NOP9: variants seen among roughly 807,000 people sequenced by gnomAD.
NOP9 encodes the protein NOP9 nucleolar protein.
In NOP9, 50 loss-of-function variants were observed where a neutral mutation model predicts 63.0. That is an observed-to-expected ratio of 0.79 (90% CI 0.63 to 1.00). The LOEUF (loss-of-function observed/expected upper bound fraction) is 1.00, where lower values mean the gene tolerates loss of function less well. NOP9 is among the 50% of genes least tolerant of loss of function. NOP9 has a pLI of 0.00. For missense variants in NOP9, 758 were observed against 803.0 expected (o/e 0.94, Z 0.68); for synonymous variants, 343 against 332.8 (o/e 1.03, Z -0.33).
intron 6 of NOP9, 70 bp from the exon 7 acceptor site, chr14:24,303,662 G>A (rs1249365635): frequency 2.0e-6 from 3 of 1,521,644 alleles, no homozygotes; most frequent in Non-Finnish European, 9.1e-7. Flanking sequence ...TTTCCTGAAG[G>A]TGTTCCCTTA....
At chr14:24,293,639 CTA>C in the NOP9 span, 3 of 151,804 alleles carry the variant, frequency 2.0e-5, no homozygotes, top group Non-Finnish European at 4.4e-5. Context: ...ACTAAAAAGA[CTA>C]ATGTCTTGTG....
Position 24,304,238 on chromosome 14 carries a change from G to A in NOP9, c.1608G>A (p.Val536=). 6.2e-7 allele frequency: 1 copy of A among 1,614,010 alleles called. No individual in the cohort carries two copies. Among genetic ancestry groups the A allele is most frequent in the Non-Finnish European group, 8.5e-7 (1 of 1,180,014 alleles). The change falls in exon 8 of 10, where the codon GTG becomes GTA. Residue 536 remains valine, a synonymous_variant. Coordinates refer to ENST00000267425, the MANE Select transcript of NOP9 (RefSeq NM_174913.3). ...VLDAILTSPS[V]TRKLRRRVLQ... ...ATGCCATCCTGACCAGCCCCTCTGT[G>A]ACGCGCAAGCTGCGCCGCCGTGTGC... is the stretch of plus-strand genomic sequence containing the variant.
upstream of NOP9, among the ~76,000 whole-genome samples, chr14:24,296,303 G>C (rs1361772771): frequency 6.6e-6 from 1 of 152,208 alleles, no homozygotes; most frequent in Non-Finnish European, 1.5e-5. Context: ...TTGTTCCAAT[G>C]AAAATTACTG....
rs1566418303 is a variant in NOP9, at chr14:24,307,501, A to G, written c.*2406A>G. On this transcript the variant is annotated 3_prime_UTR_variant, in exon 10 of 10. Coordinates refer to ENST00000267425, the MANE Select transcript of NOP9 (RefSeq NM_174913.3). ...GACCCTCCGTCCAAACTCCGAGCTT[A>G]TATTAGATACTGACCTGGTAGTTGA... The G allele has an allele frequency of 1.2e-6, 2 of 1,613,916 alleles. No homozygotes were observed. Among genetic ancestry groups the G allele is most frequent in the Non-Finnish European group, 1.7e-6 (2 of 1,179,906 alleles).
chr14:24,306,935 T>G lies in NOP9; in HGVS notation c.*1840T>G. 3.7e-6 allele frequency: 1 copy of G among 270,792 alleles called. No individual in the cohort carries two copies. Among genetic ancestry groups the G allele is most frequent in the Non-Finnish European group, 7.2e-6 (1 of 139,466 alleles). 16.8% of individuals were successfully genotyped at this position (270,792 alleles called of 1,614,324 possible). On this transcript the variant is annotated 3_prime_UTR_variant, in exon 10 of 10. Coordinates refer to ENST00000267425, the MANE Select transcript of NOP9 (RefSeq NM_174913.3). ...TTGAGTCCTTACTCTGTGCCAGGTA[T>G]GAGGACTTTACCTACATTATCCTCT...
At position 24,306,373 on chromosome 14, in the gene NOP9, C is replaced by T. The variant is rs146737422; in HGVS notation, c.*1278C>T. ...AAGCAGCCCCAGTATAGGCCTCTTA[C>T]CCTTGTAGGGCTCCAGCTCTGACCA... is the stretch of plus-strand genomic sequence containing the variant. On this transcript the variant is annotated 3_prime_UTR_variant, in exon 10 of 10. Transcript: ENST00000267425. 4.6e-4 allele frequency: 748 copies of T among 1,614,200 alleles called. 4 individuals carry two copies. The Middle Eastern group carries it at 8.6e-3, about 19-fold the overall frequency.
the NOP9 span, among the ~76,000 whole-genome samples, chr14:24,284,359 C>T: frequency 1.3e-5 from 2 of 152,204 alleles, no homozygotes; most frequent in South Asian, 2.1e-4. Context: ...CTGCCCTGCC[C>T]AGTGCTGAGC....
the NOP9 span, among the ~76,000 whole-genome samples, chr14:24,273,008 T>C: frequency 2.0e-5 from 3 of 152,232 alleles, no homozygotes; most frequent in South Asian, 6.2e-4. Flanking sequence ...TTTTTTTCCC[T>C]GTGCCTACTG....
chr14:24,300,564 C>T lies in NOP9; in HGVS notation c.404C>T (p.Thr135Ile), dbSNP rs1401754799. ...VWAALRSNLR[T>I]VACHRCGVHV... ...GCTGCTCTGCGCTCTAACTTGCGCA[C>T]TGTGGCCTGTCACCGATGCGGGGTC... Residue 135 changes from threonine to isoleucine, a missense_variant, in exon 2 of 10, where the codon ACT becomes ATT. Thr to Ile is a moderately conservative substitution (Grantham distance 89). Transcript: ENST00000267425. 2 of 1,614,242 alleles carry T rather than the reference C, an allele frequency of 1.2e-6. No homozygotes were observed. The highest frequency in any genetic ancestry group is 3.3e-5 in the Admixed American group (2 of 60,032).
At chr14:24,301,875 A>C (rs367966520) in intron 3 of NOP9, 90 bp from the exon 4 acceptor site, 16 of 1,469,926 alleles carry the variant, frequency 1.1e-5, no homozygotes, top group East Asian at 6.8e-5. Context: ...TTGTGTCCAT[A>C]GTGCCCTGTA....
At chr14:24,291,453 A>G in the NOP9 span, 1 of 1,296,894 alleles carries the variant, frequency 7.7e-7, no homozygotes, top group South Asian at 1.2e-5. Context: ...GAAAAGAATG[A>G]CATGTTCCTC....
At chr14:24,292,116 A>C in the NOP9 span, 1 of 1,594,730 alleles carries the variant, frequency 6.3e-7, no homozygotes, top group Non-Finnish European at 8.6e-7. Context: ...GGAGTATCTG[A>C]TCTTGTTATT....
At chr14:24,303,026 G>A (rs758752197) in intron 5 of NOP9, 48 bp from the exon 6 acceptor site, 5 of 1,489,720 alleles carry the variant, frequency 3.4e-6, no homozygotes, top group Non-Finnish European at 3.6e-6. Context: ...GAATAATGTG[G>A]TCCGCCATTA....
Position 24,300,714 on chromosome 14 carries a change from G to A in NOP9, c.554G>A (p.Gly185Glu). Residue 185 changes from glycine to glutamate, a missense_variant, in exon 2 of 10, where the codon GGA becomes GAA. Gly to Glu is a moderately conservative substitution (Grantham distance 98). Coordinates refer to ENST00000267425, the MANE Select transcript of NOP9 (RefSeq NM_174913.3). Reference sequence around the variant, plus strand: ...GAGACCCTGGAGGAGCTGGTCCTGGGACTAGCCGCTGAGGTGTGTGATGAT... The same window carrying A: ...GAGACCCTGGAGGAGCTGGTCCTGGAACTAGCCGCTGAGGTGTGTGATGAT... ...PTETLEELVL[G>E]LAAEVCDDFL... The A allele has an allele frequency of 6.2e-7, 1 of 1,614,046 alleles. No homozygotes were observed.
At chr14:24,291,129 G>A in the NOP9 span, 1 of 1,613,976 alleles carries the variant, frequency 6.2e-7, no homozygotes, top group African/African-American at 1.3e-5. Flanking sequence ...TGCTGTGCCA[G>A]GGTCCTCACC....
upstream of NOP9, chr14:24,296,505 C>T (rs2041250111): frequency 6.2e-7 from 1 of 1,613,962 alleles, no homozygotes; most frequent in Admixed American, 1.7e-5. Context: ...AGTGGAGCAC[C>T]CACCTGAGTC....
At chr14:24,291,378 G>A in the NOP9 span, 1 of 1,045,816 alleles carries the variant, frequency 9.6e-7, no homozygotes, top group African/African-American at 1.6e-5. Context: ...CTTCCCAGGA[G>A]CCTGCTCCTA....
At chr14:24,292,687 T>C in the NOP9 span, 13 of 1,614,186 alleles carry the variant, frequency 8.1e-6, no homozygotes, top group Non-Finnish European at 1.1e-5. Context: ...ACATTGAACA[T>C]ATACTGCAGG....
At chr14:24,284,439 G>A in the NOP9 span, among the ~76,000 whole-genome samples, 7 of 152,182 alleles carry the variant, frequency 4.6e-5, no homozygotes, top group African/African-American at 7.2e-5. Context: ...GAGCACAGGG[G>A]CCAGTGAGCA....
Sources: allele counts gnomAD v4.1 joint callset (sites outside exome capture counted in the v4.1 genomes callset), GRCh38; gene constraint gnomAD v4.1.1; transcripts MANE v1.5; gene names NCBI Gene and HGNC (gene_info 2026-07-23, HGNC 2026-07-21).